The following NUS1 variants were observed in gnomAD, a reference collection of about 807,000 sequenced individuals.
NUS1 encodes NUS1 dehydrodolichyl diphosphate synthase subunit.
For synonymous variants in NUS1, 135 were observed against 155.2 expected (o/e 0.87, Z 0.97); for missense variants, 292 against 382.9 (o/e 0.76, Z 1.98).
intron 1 of NUS1, among the ~76,000 whole-genome samples, chr6:117,682,669 A>C (rs988123593): frequency 6.6e-6 from 1 of 152,236 alleles, no homozygotes; most frequent in African/African-American, 2.4e-5. Context: ...TCTGTACTGG[A>C]TACTATAGAA....
At position 117,685,987 on chromosome 6, in the gene NUS1, C is replaced by T. The variant is rs188116251; in HGVS notation, c.416-7055C>T. 1.9e-3 allele frequency among the ~76,000 whole-genome samples: 272 copies of T among 143,552 alleles called. 1 individual carries two copies. Among genetic ancestry groups the T allele is most frequent in the African/African-American group, 6.5e-3 (253 of 38,672 alleles). The allele number at this position is 143,552 out of a possible 152,430, so 94.2% of individuals were successfully genotyped here. Reference sequence around the variant, plus strand: ...ATTAAAAAAAAAAAAAAGGGCTGGGCGCCGTGGCTCACGCCTGTAATCCCA... The same window carrying T: ...ATTAAAAAAAAAAAAAAGGGCTGGGTGCCGTGGCTCACGCCTGTAATCCCA... On this transcript the variant is annotated intron_variant, in intron 1 of 4. Transcript: ENST00000368494.
chr6:117,679,172 T>C (rs1294641867), intron 1 of NUS1, among the ~76,000 whole-genome samples: 1 of 152,176 alleles, frequency 6.6e-6, no homozygotes, highest in Non-Finnish European at 1.5e-5. Flanking sequence ...ATAGAAATGC[T>C]AAGTGAATGG....
At position 117,694,265 on chromosome 6, in the gene NUS1, G is replaced by T. The variant is rs560875714; in HGVS notation, c.691+85G>T. The T allele has an allele frequency of 1.3e-4, 99 of 741,168 alleles. 3 individuals carry two copies. The South Asian group carries it at 4.5e-3, about 34-fold the overall frequency. 45.9% of individuals were successfully genotyped at this position (741,168 alleles called of 1,614,324 possible). ...TGTCACACGAGGATACAGTATGAAA[G>T]AAAATATTTTTGTTTCTTTCACACC... On this transcript the variant is annotated intron_variant, in intron 3 of 4. Coordinates refer to ENST00000368494, the MANE Select transcript of NUS1 (RefSeq NM_138459.5).
chr6:117,688,745 A>G (rs1187193688), intron 1 of NUS1, among the ~76,000 whole-genome samples: 3 of 152,240 alleles, frequency 2.0e-5, no homozygotes, highest in Non-Finnish European at 2.9e-5. Context: ...TGAATGAACT[A>G]GAAATGTTAG....
At chr6:117,694,987 G>C (rs936343683) in intron 3 of NUS1, among the ~76,000 whole-genome samples, 4 of 151,920 alleles carry the variant, frequency 2.6e-5, no homozygotes, top group African/African-American at 9.7e-5. Flanking sequence ...TTGAGCGCAG[G>C]AGTTTGAGAC....
chr6:117,703,562 A>C (rs1467630088), intron 3 of NUS1, 43 bp from the exon 4 acceptor site: 1 of 1,322,980 alleles, frequency 7.6e-7, no homozygotes, highest in Middle Eastern at 1.8e-4. Context: ...GTGTGTGCAC[A>C]TGCAGTGCAT....
intron 3 of NUS1, among the ~76,000 whole-genome samples, chr6:117,699,708 A>C (rs1020843229): frequency 6.6e-6 from 1 of 152,196 alleles, no homozygotes; most frequent in Admixed American, 6.5e-5. Flanking sequence ...TATTCTAAGC[A>C]AAAAGAACAA....
intron 4 of NUS1, among the ~76,000 whole-genome samples, chr6:117,705,061 GAA>G (rs1051045449): frequency 2.1e-4 from 32 of 152,238 alleles, no homozygotes; most frequent in African/African-American, 6.3e-4. Flanking sequence ...GACAAAGTAT[GAA>G]AAAGAGAAGA....
At chr6:117,705,130 C>T (rs1219313279) in intron 4 of NUS1, among the ~76,000 whole-genome samples, 1 of 152,136 alleles carries the variant, frequency 6.6e-6, no homozygotes, top group Non-Finnish European at 1.5e-5. Context: ...CCCACCTTCT[C>T]ATTTTATAGA....
chr6:117,702,773 C>T (rs555138064), intron 3 of NUS1, among the ~76,000 whole-genome samples: 2 of 152,228 alleles, frequency 1.3e-5, no homozygotes, highest in South Asian at 4.1e-4. Context: ...ACTGCCTGAT[C>T]CAGTTTCCTT....
rs1773459126 is a variant in NUS1, at chr6:117,703,552, G to C, written c.692-53G>C. On this transcript the variant is annotated intron_variant, in intron 3 of 4. Transcript: ENST00000368494. ...ATGATCTGTGTGTTTCTGTGTGTGTGTGTGTGCACATGCAGTGCATGTTAA... is the reference window on the plus strand; with the variant it reads ...ATGATCTGTGTGTTTCTGTGTGTGTCTGTGTGCACATGCAGTGCATGTTAA... The C allele has an allele frequency of 3.3e-6, 4 of 1,200,302 alleles. No homozygotes were observed. In the African/African-American group the frequency reaches 6.0e-5, roughly 18 times the overall value. 74.4% of individuals were successfully genotyped at this position (1,200,302 alleles called of 1,614,324 possible). A position where few individuals can be genotyped will look rare whatever the true frequency, so the allele number is the denominator to read the frequency against.
In NUS1 at chr6:117,708,383, T is replaced by C. The variant is rs879469331; in HGVS notation, c.*1368T>C. 42 of 152,496 alleles carry C rather than the reference T, an allele frequency of 2.8e-4. No individual in the cohort carries two copies. Among genetic ancestry groups the C allele is most frequent in the Non-Finnish European group, 5.0e-4 (34 of 67,968 alleles). 9.4% of individuals were successfully genotyped at this position (152,496 alleles called of 1,614,324 possible). ...CTTATCAACAAGTGTACAATACTTA[T>C]CTAAAACTATACATTTAGAATGGAG... On this transcript the variant is annotated 3_prime_UTR_variant, in exon 5 of 5. Coordinates refer to ENST00000368494, the MANE Select transcript of NUS1 (RefSeq NM_138459.5).
At chr6:117,700,570 G>T (rs1473514272) in intron 3 of NUS1, among the ~76,000 whole-genome samples, 1 of 152,174 alleles carries the variant, frequency 6.6e-6, no homozygotes. Flanking sequence ...CAGTTTGGAG[G>T]TTTCTCTAAA....
chr6:117,698,822 A>C (rs1051583659), intron 3 of NUS1, among the ~76,000 whole-genome samples: 9 of 152,194 alleles, frequency 5.9e-5, no homozygotes, highest in African/African-American at 1.9e-4. Context: ...ACGATGACCA[A>C]GTGGGATTTA....
At chr6:117,690,432 T>G (rs1220165361) in intron 1 of NUS1, among the ~76,000 whole-genome samples, 2 of 152,210 alleles carry the variant, frequency 1.3e-5, no homozygotes, top group African/African-American at 4.8e-5. Flanking sequence ...TATATCTATG[T>G]CTCAGTTTCT....
chr6:117,676,114 G>GC (rs1220915446), intron 1 of NUS1, 29 bp downstream of exon 1: 1 of 1,550,028 alleles, frequency 6.5e-7, no homozygotes, highest in Admixed American at 2.0e-5. Flanking sequence ...GTGGGGGGTG[G>GC]CCGAGGCGTC....
rs1029370109 is a variant in NUS1 at position 117,675,572 on chromosome 6, G to A, written c.-99G>A. 4.0e-6 allele frequency: 5 copies of A among 1,263,580 alleles called. No individual in the cohort carries two copies. Among genetic ancestry groups the A allele is most frequent in the Admixed American group, 2.2e-5 (1 of 46,156 alleles). The allele number at this position is 1,263,580 out of a possible 1,614,324, so 78.3% of individuals were successfully genotyped here. A position where few individuals can be genotyped will look rare whatever the true frequency, so the allele number is the denominator to read the frequency against. ...GTTCGGGCTCGGGGGGCGGGGGGAC[G>A]CGGAGCGATGGCCCGCGCCGGCCGC... is the stretch of plus-strand genomic sequence containing the variant. On this transcript the variant is annotated 5_prime_UTR_variant, in exon 1 of 5. Transcript: ENST00000368494.
rs764324540 is a variant in NUS1 at position 117,675,667 on chromosome 6, G to A, written c.-4G>A. On this transcript the variant is annotated 5_prime_UTR_variant, in exon 1 of 5. Transcript: ENST00000368494. ...GAGAGGGGGTGTCTGAGGGCCACAA[G>A]AGTATGACGGGGCTGTACGAGCTGG... 66 of 1,424,606 alleles carry A rather than the reference G, an allele frequency of 4.6e-5. No homozygotes were observed. The East Asian group carries it at 1.3e-3, about 27-fold the overall frequency. 88.2% of individuals were successfully genotyped at this position (1,424,606 alleles called of 1,614,324 possible).
rs1245004786 is a variant in NUS1, at chr6:117,675,719, T to C, written c.49T>C (p.Cys17Arg). Reference protein sequence around the residue: ...LVWRVLHALLCLHRTLTSWLR... With the variant: ...LVWRVLHALLRLHRTLTSWLR... Reference sequence around the variant, plus strand: ...GTGGCGGGTGCTGCACGCGCTGCTCTGTCTGCACCGCACGCTCACCTCCTG... The same window carrying C: ...GTGGCGGGTGCTGCACGCGCTGCTCCGTCTGCACCGCACGCTCACCTCCTG... Residue 17 changes from cysteine (C) to arginine (R), a missense_variant, in exon 1 of 5, where the codon TGT becomes CGT. By Grantham distance (180) the Cys-to-Arg change is radical. Transcript: ENST00000368494. The C allele has an allele frequency of 1.3e-6, 2 of 1,517,486 alleles. No homozygotes were observed. The highest frequency in any genetic ancestry group is 8.9e-7 in the Non-Finnish European group (1 of 1,129,234). The allele number at this position is 1,517,486 out of a possible 1,614,324, so 94.0% of individuals were successfully genotyped here.
Sources: gnomAD v4.1 joint callset for allele counts (sites outside exome capture counted in the v4.1 genomes callset) on GRCh38, gnomAD v4.1.1 for gene constraint, MANE v1.5 for transcripts, NCBI Gene and HGNC (gene_info 2026-07-23, HGNC 2026-07-21) for gene names.